SMARCE1: variants seen among roughly 807,000 people sequenced by gnomAD.
SMARCE1 encodes SWI/SNF-related matrix-associated actin-dependent regulator of chromatin subfamily E member 1.
A neutral mutation model predicts 54.9 loss-of-function variants in SMARCE1; 13 were observed. The observed-to-expected ratio is 0.24, with a 90% CI of 0.15 to 0.38. The LOEUF (loss-of-function observed/expected upper bound fraction) is 0.38. Among genes scored for constraint, SMARCE1 ranks in the 10% least tolerant of loss-of-function variants. The pLI, the probability that SMARCE1 is intolerant of heterozygous loss-of-function variation, is 1.00. For missense variants in SMARCE1, 295 were observed against 523.8 expected (o/e 0.56, Z 4.26); for synonymous variants, 151 against 175.3 (o/e 0.86, Z 1.10).
At chr17:40,640,326 T>G (rs1466366224) in intron 4 of SMARCE1, among the ~76,000 whole-genome samples, 1 of 152,150 alleles carries the variant, frequency 6.6e-6, no homozygotes, top group Non-Finnish European at 1.5e-5. Context: ...AGGAGTGAAT[T>G]CCATCTTGTA....
At chr17:40,640,660 T>G (rs2037190338) in intron 4 of SMARCE1, 1 of 152,202 alleles carries the variant, frequency 6.6e-6, no homozygotes, top group African/African-American at 2.4e-5. Flanking sequence ...GGGCAAGTAG[T>G]GTAAAACCTC....
chr17:40,631,655 T>C lies in SMARCE1; in HGVS notation c.753A>G (p.Arg251=). ...GGAATTTCCTCTTCTTCTCCTGGTG[T>C]CGTTCCTCTATTTGAAGAAGTTCAG... is the stretch of plus-strand genomic sequence containing the variant. ...LEAELLQIEE[R]HQEKKRKFLE... is the part of the protein sequence containing the mutation. Residue 251 remains arginine (R), a synonymous_variant, in exon 9 of 11, where the codon CGA becomes CGG. Transcript: ENST00000348513. 1.2e-6 allele frequency: 2 copies of C among 1,611,716 alleles called. No homozygotes were observed. The highest frequency in any genetic ancestry group is 1.1e-5 in the South Asian group (1 of 91,022).
chr17:40,642,840 G>T lies in SMARCE1; in HGVS notation c.52-281C>A. The T allele has an allele frequency of 2.6e-6, 1 of 389,416 alleles. No individual in the cohort carries two copies. The highest frequency in any genetic ancestry group is 4.6e-6 in the Non-Finnish European group (1 of 217,872). The allele number at this position is 389,416 out of a possible 1,614,324, so 24.1% of individuals were successfully genotyped here. A position where few individuals can be genotyped will look rare whatever the true frequency, so the allele number is the denominator to read the frequency against. ...ATGTGTGTTTTGTTTTTTGAGGTAA[G>T]CAACACACTGAAGTGTTTAAAACAT... On this transcript the variant is annotated intron_variant, in intron 3 of 10. Transcript: ENST00000348513. This position sits in a 1 kb window ranked among gnomAD's most constrained non-coding sequence, Gnocchi z 4.6.
chr17:40,642,599 G>A lies in SMARCE1; in HGVS notation c.52-40C>T. 8.3e-7 allele frequency: 1 copy of A among 1,210,760 alleles called. No individual in the cohort carries two copies. Among genetic ancestry groups the A allele is most frequent in the South Asian group, 1.2e-5 (1 of 80,120 alleles). 75.0% of individuals were successfully genotyped at this position (1,210,760 alleles called of 1,614,324 possible). On this transcript the variant is annotated intron_variant, in intron 3 of 10. Coordinates refer to ENST00000348513, the MANE Select transcript of SMARCE1 (RefSeq NM_003079.5). This position sits in a 1 kb window ranked among gnomAD's most constrained non-coding sequence, Gnocchi z 4.6. ...TGAGACAAAAACACGAATGAGAAAT[G>A]AGCTCAAACGAGGAAAACACAGAAA...
At chr17:40,644,990 A>T (rs2037239901) in intron 3 of SMARCE1, 1 of 152,330 alleles carries the variant, frequency 6.6e-6, no homozygotes, top group South Asian at 2.1e-4. Context: ...TGGGTGAAAA[A>T]ACACGTTCAC....
At chr17:40,644,200 T>C (rs979221083) in intron 3 of SMARCE1, 2 of 152,190 alleles carry the variant, frequency 1.3e-5, no homozygotes, top group Admixed American at 1.3e-4. Flanking sequence ...TTTTGAAATA[T>C]TTTAATCTCA....
intron 8 of SMARCE1, 105 bp from the exon 9 acceptor site, chr17:40,631,798 T>C (rs777134668): frequency 1.2e-5 from 8 of 678,334 alleles, no homozygotes; most frequent in Non-Finnish European, 2.1e-5. Context: ...ATTTATCACA[T>C]GAGTCTAGCT....
At chr17:40,629,945 A>G in intron 10 of SMARCE1, 1 of 358,258 alleles carries the variant, frequency 2.8e-6, no homozygotes, top group Non-Finnish European at 4.9e-6. Context: ...AGATATCTAT[A>G]TTCCATTACA....
chr17:40,640,213 T>A (rs958172252), intron 4 of SMARCE1: 4 of 152,228 alleles, frequency 2.6e-5, no homozygotes, highest in African/African-American at 7.2e-5. Flanking sequence ...GAATTTCTAT[T>A]AATGTACAGA....
chr17:40,637,757 T>C (rs2037160164), intron 4 of SMARCE1, 185 bp from the exon 5 acceptor site: 1 of 577,130 alleles, frequency 1.7e-6, no homozygotes. Flanking sequence ...GCACATAATT[T>C]TTAAATGTTT....
intron 7 of SMARCE1, chr17:40,635,034 C>T (rs1419608525): frequency 1.3e-5 from 2 of 152,018 alleles, no homozygotes; most frequent in African/African-American, 2.4e-5. Flanking sequence ...AAAATGACTT[C>T]TGTTTTTCCC....
intron 8 of SMARCE1, 107 bp downstream of exon 8, chr17:40,632,088 T>G: frequency 1.1e-6 from 1 of 875,034 alleles, no homozygotes; most frequent in Non-Finnish European, 1.8e-6. Flanking sequence ...AGGAACAGGT[T>G]AGATTGACAT....
chr17:40,633,339 G>A (rs1272291852), intron 7 of SMARCE1: 1 of 151,764 alleles, frequency 6.6e-6, no homozygotes, highest in East Asian at 1.9e-4. Flanking sequence ...GCTATCTAGT[G>A]TTTCCTTAAT....
At chr17:40,631,414 A>G (rs2037094506) in intron 9 of SMARCE1, 178 bp downstream of exon 9, 4 of 544,704 alleles carry the variant, frequency 7.3e-6, no homozygotes, top group Non-Finnish European at 1.3e-5. Context: ...ATTTATTGCA[A>G]TTTTGCCAGA....
Position 40,625,433 on chromosome 17 carries a change from G to A in SMARCE1, c.*3352C>T, listed in dbSNP as rs1301763772. 2 of 152,204 alleles carry A rather than the reference G, an allele frequency of 1.3e-5. No homozygotes were observed. Among genetic ancestry groups the A allele is most frequent in the Non-Finnish European group, 2.9e-5 (2 of 68,040 alleles). The allele number at this position is 152,204 out of a possible 1,614,324, so 9.4% of individuals were successfully genotyped here. A position where few individuals can be genotyped will look rare whatever the true frequency, so the allele number is the denominator to read the frequency against. On this transcript the variant is annotated 3_prime_UTR_variant, in exon 11 of 11. Coordinates refer to ENST00000348513, the MANE Select transcript of SMARCE1 (RefSeq NM_003079.5). ...ATGAAGTCAGTTGTTGTTCCAGCAA[G>A]GTTTGCCCAGCGGTAAAAAACAAGA... is the stretch of plus-strand genomic sequence containing the variant.
At chr17:40,632,522 T>A in intron 7 of SMARCE1, 155 bp from the exon 8 acceptor site, 1 of 612,220 alleles carries the variant, frequency 1.6e-6, no homozygotes, top group Non-Finnish European at 2.9e-6. Flanking sequence ...AGTTACTTGA[T>A]AAAAACCATA....
intron 3 of SMARCE1, chr17:40,643,789 T>C (rs1415881545): frequency 6.6e-6 from 1 of 152,230 alleles, no homozygotes; most frequent in Non-Finnish European, 1.5e-5. Context: ...AAGCAGATAT[T>C]ACATTTGATA....
chr17:40,630,145 G>A (rs965669809), intron 10 of SMARCE1: 6 of 843,566 alleles, frequency 7.1e-6, no homozygotes, highest in East Asian at 2.7e-5. Flanking sequence ...TACAAGTGAC[G>A]ATCAATGTAA....
chr17:40,645,378 T>C (rs2144015005), intron 3 of SMARCE1, 198 bp downstream of exon 3: 1 of 479,092 alleles, frequency 2.1e-6, no homozygotes, highest in Non-Finnish European at 3.7e-6. Flanking sequence ...TACAGTACTG[T>C]TTCTTTAAAT....
Sources: allele counts gnomAD v4.1 joint callset (sites outside exome capture counted in the v4.1 genomes callset), GRCh38; gene constraint gnomAD v4.1.1; non-coding constraint Gnocchi (gnomAD v3.1); transcripts MANE v1.5; gene names NCBI Gene and HGNC (gene_info 2026-07-23, HGNC 2026-07-21).